Variants in PCDHGA3 observed in about 807,000 individuals in gnomAD.
PCDHGA3 encodes protocadherin gamma subfamily A, 3, also known as protocadherin gamma-A3.
In PCDHGA3, 40 loss-of-function variants were observed where a neutral mutation model predicts 58.5. That is an observed-to-expected ratio of 0.68 (90% confidence interval 0.53 to 0.89). PCDHGA3 has a LOEUF of 0.89. Among genes scored for constraint, PCDHGA3 ranks in the 40% least tolerant of loss-of-function variants. The pLI, the probability that PCDHGA3 is intolerant of heterozygous loss-of-function variation, is 0.00. For synonymous variants in PCDHGA3, 530 were observed against 525.7 expected (o/e 1.01, Z -0.11); for missense variants, 1,223 against 1,195.9 (o/e 1.02, Z -0.33).
At chr5:141,351,748 G>A in intron 1 of PCDHGA3, 1 of 1,613,678 alleles carries the variant, frequency 6.2e-7, no homozygotes. Flanking sequence ...AGCCGCGGGA[G>A]CTGTTGTCCT....
chr5:141,446,260 TA>T (rs1207497940), intron 1 of PCDHGA3, among the ~76,000 whole-genome samples: 4 of 152,130 alleles, frequency 2.6e-5, no homozygotes, highest in Non-Finnish European at 4.4e-5. Context: ...GAAATATTAT[TA>T]ACTGAATAAA....
At chr5:141,360,081 C>A (rs1380331452) in intron 1 of PCDHGA3, 2 of 1,486,164 alleles carry the variant, frequency 1.3e-6, no homozygotes, top group Non-Finnish European at 1.8e-6. Context: ...CCGGATTCTG[C>A]CATCCCCGGA....
intron 1 of PCDHGA3, chr5:141,361,228 G>A: frequency 6.2e-7 from 1 of 1,614,000 alleles, no homozygotes. Flanking sequence ...ACCAGGAACA[G>A]TGATCGCCTT....
rs951029522 is a variant in PCDHGA3, at chr5:141,487,944, G to A, written c.2425-6863G>A. 6.6e-6 allele frequency among the ~76,000 whole-genome samples: 1 copy of A among 152,164 alleles called. No homozygotes were observed. Among genetic ancestry groups the A allele is most frequent in the Admixed American group, 6.5e-5 (1 of 15,282 alleles). On this transcript the variant is annotated intron_variant, in intron 1 of 3. Transcript: ENST00000253812. The surrounding 1 kb of genome is among the most constrained non-coding windows in gnomAD (Gnocchi z 5.0). ...ACAGTGCACAGGGTACAGTGCACCA[G>A]GCAGTCACTTGGACAAAGGTGGCTG...
chr5:141,415,269 G>T, intron 1 of PCDHGA3: 1 of 1,614,228 alleles, frequency 6.2e-7, no homozygotes, highest in African/African-American at 1.3e-5. Flanking sequence ...TGTACCTGGT[G>T]GTAGCGGTGG....
chr5:141,455,860 A>ATTATTTATTTAT (rs145569377), intron 1 of PCDHGA3, among the ~76,000 whole-genome samples: 9 of 139,836 alleles, frequency 6.4e-5, no homozygotes, highest in African/African-American at 7.9e-5. Context: ...AATTTCTTTT[A>ATTATTTATTTAT]TTATTTATTT....
intron 1 of PCDHGA3, chr5:141,385,135 G>A (rs948872903): frequency 6.2e-7 from 1 of 1,614,214 alleles, no homozygotes; most frequent in Admixed American, 1.7e-5. Context: ...CATGGACGGG[G>A]TGCAGGCTTT....
intron 1 of PCDHGA3, among the ~76,000 whole-genome samples, chr5:141,472,994 A>AAAAG (rs1425445230): frequency 1.3e-5 from 2 of 151,692 alleles, no homozygotes; most frequent in Non-Finnish European, 2.9e-5. Context: ...AAAAAAAAAA[A>AAAAG]AAAGAAAGAA....
chr5:141,463,500 G>A (rs866521006), intron 1 of PCDHGA3, among the ~76,000 whole-genome samples: 30 of 139,838 alleles, frequency 2.1e-4, no homozygotes, highest in African/African-American at 7.0e-4. Context: ...CCAGGCTGGA[G>A]TGACGTGGCG....
chr5:141,402,610 G>A (rs900326336), intron 1 of PCDHGA3, among the ~76,000 whole-genome samples: 1 of 152,168 alleles, frequency 6.6e-6, no homozygotes, highest in Admixed American at 6.5e-5. Context: ...AAATACAAAT[G>A]CAAGAAACAA....
At position 141,352,164 on chromosome 5, in the gene PCDHGA3, G is replaced by T. The variant is rs775400971; in HGVS notation, c.2424+5707G>T. ...GCCTTGGGCGACAGGGACGCGGCCC[G>T]CCAGCGCCTGCTGGTCGCTGTGCGT... On this transcript the variant is annotated intron_variant, in intron 1 of 3. Transcript: ENST00000253812. 19 of 1,613,058 alleles carry T rather than the reference G, an allele frequency of 1.2e-5. No homozygotes were observed. In the African/African-American group the frequency reaches 2.5e-4, roughly 22 times the overall value.
At chr5:141,387,676 G>A (rs1218377613) in intron 1 of PCDHGA3, 7 of 732,116 alleles carry the variant, frequency 9.6e-6, no homozygotes, top group Non-Finnish European at 1.5e-5. Flanking sequence ...AGATCTCCTC[G>A]CGCAGCCGCA....
intron 1 of PCDHGA3, chr5:141,415,478 G>C: frequency 6.2e-7 from 1 of 1,614,082 alleles, no homozygotes; most frequent in Non-Finnish European, 8.5e-7. Flanking sequence ...GCGGACTCGC[G>C]AAAGAGTCAC....
intron 1 of PCDHGA3, chr5:141,419,568 A>T: frequency 1.2e-6 from 2 of 1,611,742 alleles, no homozygotes; most frequent in African/African-American, 2.7e-5. Flanking sequence ...CTGGGTCCCG[A>T]CGGCTCCGCG....
chr5:141,362,373 T>A (rs1281253972), intron 1 of PCDHGA3: 2 of 1,614,038 alleles, frequency 1.2e-6, no homozygotes, highest in Non-Finnish European at 1.7e-6. Flanking sequence ...ACAGTGAGGG[T>A]ACATTGCCCT....
intron 1 of PCDHGA3, chr5:141,478,687 A>G: frequency 6.4e-7 from 1 of 1,551,218 alleles, no homozygotes; most frequent in Middle Eastern, 1.7e-4. Context: ...CCCTTCCTAG[A>G]TCAAAGTTAG....
rs747588958 is a variant in PCDHGA3 at position 141,370,424 on chromosome 5, A to C, written c.2424+23967A>C. 5 of 1,587,984 alleles carry C rather than the reference A, an allele frequency of 3.1e-6. No individual in the cohort carries two copies. The South Asian group carries it at 4.6e-5, about 15-fold the overall frequency. The stretch of plus-strand genomic sequence containing the variant: ...GAAATAGCTCCGGATGGAGGGGCCC[A>C]GCAGGGCAGAGGCGAATGCTATTTC... On this transcript the variant is annotated intron_variant, in intron 1 of 3. Transcript: ENST00000253812.
chr5:141,487,968 T>C lies in PCDHGA3; in HGVS notation c.2425-6839T>C, dbSNP rs2099670029. Among the ~76,000 whole-genome samples the C allele has an allele frequency of 6.6e-6, 1 of 152,236 alleles. No individual in the cohort carries two copies. The highest frequency in any genetic ancestry group is 1.5e-5 in the Non-Finnish European group (1 of 68,050). On this transcript the variant is annotated intron_variant, in intron 1 of 3. Transcript: ENST00000253812. This position sits in a 1 kb window ranked among gnomAD's most constrained non-coding sequence, Gnocchi z 5.0. The stretch of plus-strand genomic sequence containing the variant: ...AGGCAGTCACTTGGACAAAGGTGGC[T>C]GTTTTCTCTACTCTTCCTGAAAGAG...
intron 1 of PCDHGA3, chr5:141,420,034 C>T (rs373590502): frequency 7.8e-5 from 126 of 1,613,970 alleles, no homozygotes; most frequent in Non-Finnish European, 9.3e-5. Context: ...CTGCAGGAGA[C>T]TGCTTTGAGT....
Sources: gnomAD v4.1 joint callset for allele counts (sites outside exome capture counted in the v4.1 genomes callset) on GRCh38, gnomAD v4.1.1 for gene constraint, Gnocchi (gnomAD v3.1) non-coding constraint, MANE v1.5 for transcripts, NCBI Gene and HGNC (gene_info 2026-07-23, HGNC 2026-07-21) for gene names.